Variants in TENM3 observed in about 807,000 individuals in gnomAD.
The protein encoded by TENM3 is teneurin transmembrane protein 3.
TENM3 carries 63 observed loss-of-function variants against 255.1 expected under a neutral mutation model. That is an observed-to-expected ratio of 0.25 (90% CI 0.20 to 0.30). The LOEUF (loss-of-function observed/expected upper bound fraction) is 0.30. TENM3 is among the 10% of genes least tolerant of loss of function. The probability of loss-of-function intolerance (pLI) is 1.00; values close to 1 mark genes in which losing one functional copy is unlikely to be tolerated. For missense variants in TENM3, 2,929 were observed against 3,461.1 expected (o/e 0.85, Z 3.86); for synonymous variants, 1,306 against 1,322.3 (o/e 0.99, Z 0.27).
chr4:181,553,177 A>G, the TENM3 span, among the ~76,000 whole-genome samples: 1 of 151,934 alleles, frequency 6.6e-6, no homozygotes, highest in Non-Finnish European at 1.5e-5. Flanking sequence ...TAGTCTCTGT[A>G]TCTTAGATCC....
intron 1 of TENM3, among the ~76,000 whole-genome samples, chr4:182,194,215 A>G (rs1339659522): frequency 2.0e-5 from 3 of 152,212 alleles, no homozygotes; most frequent in Admixed American, 1.3e-4. Context: ...CAGGCAAATC[A>G]AATGGTATCC....
At chr4:182,060,913 C>A in the TENM3 span, among the ~76,000 whole-genome samples, 1 of 152,150 alleles carries the variant, frequency 6.6e-6, no homozygotes, top group Non-Finnish European at 1.5e-5. Flanking sequence ...ATGTGGCACT[C>A]GTAATATATG....
At chr4:181,609,598 T>C in the TENM3 span, among the ~76,000 whole-genome samples, 2 of 152,246 alleles carry the variant, frequency 1.3e-5, no homozygotes, top group African/African-American at 4.8e-5. Context: ...TCTCCGTGCT[T>C]CGTTCCATAG....
At chr4:182,058,979 T>C in the TENM3 span, among the ~76,000 whole-genome samples, 1 of 150,802 alleles carries the variant, frequency 6.6e-6, no homozygotes, top group African/African-American at 2.5e-5. Context: ...TGTGTGTGTG[T>C]GTTTGTGGCA....
At chr4:182,688,921 A>G (rs1430143552) in intron 12 of TENM3, among the ~76,000 whole-genome samples, 1 of 152,210 alleles carries the variant, frequency 6.6e-6, no homozygotes, top group Non-Finnish European at 1.5e-5. Flanking sequence ...ACACTTTTTC[A>G]TATATGATGA....
intron 3 of TENM3, among the ~76,000 whole-genome samples, chr4:182,497,864 A>G (rs1218678677): frequency 2.8e-5 from 2 of 72,254 alleles, no homozygotes; most frequent in Non-Finnish European, 3.8e-5. Context: ...ATATATATAT[A>G]TATATATATA....
chr4:181,873,238 T>C, the TENM3 span, among the ~76,000 whole-genome samples: 2 of 152,214 alleles, frequency 1.3e-5, no homozygotes, highest in Non-Finnish European at 2.9e-5. Context: ...CAGATAATTT[T>C]TGCATTTTTT....
chr4:181,596,584 C>A, the TENM3 span, among the ~76,000 whole-genome samples: 2 of 152,000 alleles, frequency 1.3e-5, no homozygotes, highest in Non-Finnish European at 2.9e-5. Context: ...ATTAAAGTAA[C>A]CTCTTTATTT....
intron 3 of TENM3, among the ~76,000 whole-genome samples, chr4:182,584,096 G>A (rs1745774663): frequency 1.3e-5 from 2 of 152,086 alleles, no homozygotes; most frequent in Non-Finnish European, 2.9e-5. Flanking sequence ...ACCCTAAGCC[G>A]CCTTTCTGAA....
intron 5 of TENM3, among the ~76,000 whole-genome samples, chr4:182,633,209 G>A (rs1751544885): frequency 6.6e-6 from 1 of 152,172 alleles, no homozygotes; most frequent in African/African-American, 2.4e-5. Flanking sequence ...TGAGATGACA[G>A]GAATGAGCCA....
chr4:181,574,327 C>T, the TENM3 span, among the ~76,000 whole-genome samples: 5 of 151,596 alleles, frequency 3.3e-5, no homozygotes, highest in Admixed American at 1.3e-4. Flanking sequence ...GTCAGGAGAT[C>T]GAGACCATCC....
chr4:181,448,252 C>T, the TENM3 span, among the ~76,000 whole-genome samples: 1 of 142,914 alleles, frequency 7.0e-6, no homozygotes, highest in Non-Finnish European at 1.5e-5. Context: ...CTGCAAGCTC[C>T]GCCTCCCGGG....
chr4:182,125,041 G>A, the TENM3 span, among the ~76,000 whole-genome samples: 4 of 135,826 alleles, frequency 2.9e-5, no homozygotes, highest in East Asian at 4.4e-4. Flanking sequence ...ATTGCCCAGC[G>A]CATCCACGCT....
At chr4:181,695,402 T>C in the TENM3 span, among the ~76,000 whole-genome samples, 2 of 152,214 alleles carry the variant, frequency 1.3e-5, no homozygotes, top group East Asian at 1.9e-4. Context: ...CCAAATCAAT[T>C]ACATGTAGCT....
At chr4:182,694,192 C>T (rs546070467) in intron 12 of TENM3, among the ~76,000 whole-genome samples, 1 of 152,188 alleles carries the variant, frequency 6.6e-6, no homozygotes, top group South Asian at 2.1e-4. Context: ...TCACTGCAGC[C>T]TCTGCCTCCT....
the TENM3 span, among the ~76,000 whole-genome samples, chr4:181,513,401 A>C: frequency 6.6e-6 from 1 of 152,214 alleles, no homozygotes; most frequent in South Asian, 2.1e-4. Context: ...GAACAACTAG[A>C]ACTCAATCAA....
upstream of TENM3, among the ~76,000 whole-genome samples, chr4:182,239,755 T>C (rs1330686604): frequency 6.6e-6 from 1 of 151,982 alleles, no homozygotes; most frequent in African/African-American, 2.4e-5. Flanking sequence ...ATATCTAATA[T>C]TTGTTGCTTA....
At chr4:181,922,156 T>C in the TENM3 span, among the ~76,000 whole-genome samples, 3 of 152,240 alleles carry the variant, frequency 2.0e-5, no homozygotes, top group East Asian at 5.8e-4. Context: ...TTGAGGATTT[T>C]TGAATCAATG....
At chr4:182,787,230 C>T (rs542160899) in intron 24 of TENM3, among the ~76,000 whole-genome samples, 1 of 152,334 alleles carries the variant, frequency 6.6e-6, no homozygotes, top group Non-Finnish European at 1.5e-5. Context: ...CACTGAAAGA[C>T]AGAGCCTAAG....
Sources: gnomAD v4.1 joint callset for allele counts (sites outside exome capture counted in the v4.1 genomes callset) on GRCh38, gnomAD v4.1.1 for gene constraint, MANE v1.5 for transcripts, NCBI Gene and HGNC (gene_info 2026-07-23, HGNC 2026-07-21) for gene names.